AKAP13: variants seen among roughly 807,000 people sequenced by gnomAD.
AKAP13 encodes A-kinase anchor protein 13.
Under a neutral mutation model 264.5 loss-of-function variants are expected in AKAP13, and 80 were observed. The ratio of observed to expected loss-of-function variants is 0.30; its 90% confidence interval spans 0.25 to 0.36. AKAP13 has a LOEUF of 0.36. AKAP13 is among the 10% of genes least tolerant of loss of function. AKAP13 has a pLI of 1.00. For synonymous variants in AKAP13, 1,380 were observed against 1,250.2 expected (o/e 1.10, Z -2.19); for missense variants, 3,712 against 3,435.2 (o/e 1.08, Z -2.01).
intron 8 of AKAP13, chr15:85,620,109 G>A (rs1397392368): frequency 6.5e-7 from 1 of 1,535,980 alleles, no homozygotes; most frequent in Non-Finnish European, 8.7e-7. Flanking sequence ...AACGGCACAA[G>A]AGGCGCTACA....
intron 6 of AKAP13, chr15:85,578,013 G>T (rs1023641561): frequency 5.4e-6 from 1 of 183,718 alleles, no homozygotes. Context: ...GGGACACAGT[G>T]GTGTAGGCCC....
At chr15:85,722,979 A>G (rs2151731228) in intron 25 of AKAP13, 93 bp from the exon 26 acceptor site, 1 of 1,497,250 alleles carries the variant, frequency 6.7e-7, no homozygotes, top group Non-Finnish European at 9.0e-7. Flanking sequence ...TCACAAAGGG[A>G]AAAGATGATA....
chr15:85,684,991 T>G (rs2084812310), intron 16 of AKAP13, 118 bp downstream of exon 16: 7 of 1,253,808 alleles, frequency 5.6e-6, no homozygotes, highest in South Asian at 1.8e-5. Flanking sequence ...TCAGGATTAC[T>G]CTCCGAAATC....
chr15:85,416,211 C>A (rs1157046690), intron 1 of AKAP13, among the ~76,000 whole-genome samples: 2 of 151,888 alleles, frequency 1.3e-5, no homozygotes, highest in Non-Finnish European at 2.9e-5. Context: ...TAGTTAAATA[C>A]CTCTATTCAT....
At chr15:85,592,236 A>G (rs1462582067) in intron 8 of AKAP13, among the ~76,000 whole-genome samples, 1 of 151,816 alleles carries the variant, frequency 6.6e-6, no homozygotes, top group African/African-American at 2.4e-5. Context: ...TTAATGGAAC[A>G]CTCTGTTTTC....
At chr15:85,388,941 A>G (rs79597013) in intron 1 of AKAP13, among the ~76,000 whole-genome samples, 6 of 152,310 alleles carry the variant, frequency 3.9e-5, no homozygotes, top group East Asian at 1.9e-4. Context: ...TTAAGTTGCC[A>G]AACTTATGTG....
chr15:85,557,864 G>A (rs1272446891), intron 5 of AKAP13, among the ~76,000 whole-genome samples: 3 of 152,178 alleles, frequency 2.0e-5, no homozygotes, highest in African/African-American at 7.2e-5. Flanking sequence ...AAGACTGGGT[G>A]GGACTGAACT....
At chr15:85,641,307 G>A (rs2082297538) in intron 9 of AKAP13, among the ~76,000 whole-genome samples, 1 of 151,196 alleles carries the variant, frequency 6.6e-6, no homozygotes, top group African/African-American at 2.4e-5. Flanking sequence ...TTAGCCGGGT[G>A]TGGTGGCACG....
intron 24 of AKAP13, 26 bp downstream of exon 24, chr15:85,722,142 C>G: frequency 2.5e-6 from 4 of 1,613,012 alleles, no homozygotes; most frequent in Non-Finnish European, 3.4e-6. Context: ...ATGAAAATCC[C>G]CGTTATTGTT....
intron 1 of AKAP13, among the ~76,000 whole-genome samples, chr15:85,442,338 A>T (rs2073690073): frequency 6.8e-6 from 1 of 146,126 alleles, no homozygotes; most frequent in Non-Finnish European, 1.5e-5. Context: ...TGAACCCAGG[A>T]GGCGGAGGTT....
chr15:85,449,351 T>C (rs1567062969), intron 1 of AKAP13, among the ~76,000 whole-genome samples: 3 of 152,312 alleles, frequency 2.0e-5, no homozygotes, highest in East Asian at 3.9e-4. Context: ...GTTTTGTAGA[T>C]ACAGAATCAT....
intron 2 of AKAP13, among the ~76,000 whole-genome samples, chr15:85,507,437 A>G (rs1469076536): frequency 6.6e-6 from 1 of 151,794 alleles, no homozygotes; most frequent in African/African-American, 2.4e-5. Context: ...CATATTTCCC[A>G]CAAAGCCGAA....
intron 2 of AKAP13, among the ~76,000 whole-genome samples, chr15:85,493,062 A>G (rs148380638): frequency 3.4e-3 from 519 of 152,338 alleles, no homozygotes; most frequent in Non-Finnish European, 5.3e-3. Context: ...TGTTCTGCGC[A>G]AGGTGTACCC....
intron 5 of AKAP13, among the ~76,000 whole-genome samples, chr15:85,559,582 CA>C (rs1369792905): frequency 6.6e-6 from 1 of 152,086 alleles, no homozygotes; most frequent in Non-Finnish European, 1.5e-5. Flanking sequence ...ACAGTCCCAT[CA>C]GGGGGTGATG....
At chr15:85,615,386 C>T (rs1165256492) in intron 8 of AKAP13, among the ~76,000 whole-genome samples, 5 of 152,114 alleles carry the variant, frequency 3.3e-5, no homozygotes. Flanking sequence ...GAACAGTAGA[C>T]CTGCTTCTCC....
At chr15:85,506,568 C>T (rs987697011) in intron 2 of AKAP13, among the ~76,000 whole-genome samples, 4 of 151,696 alleles carry the variant, frequency 2.6e-5, no homozygotes, top group African/African-American at 4.8e-5. Flanking sequence ...TGAATAAATA[C>T]GTGTCAGAAA....
chr15:85,541,959 T>C (rs1207352892), intron 4 of AKAP13, among the ~76,000 whole-genome samples: 1 of 152,214 alleles, frequency 6.6e-6, no homozygotes, highest in Non-Finnish European at 1.5e-5. Flanking sequence ...AATGCTGAGC[T>C]GACTCAGAAC....
At chr15:85,398,105 T>G (rs962603087) in intron 1 of AKAP13, among the ~76,000 whole-genome samples, 1 of 152,324 alleles carries the variant, frequency 6.6e-6, no homozygotes, top group Non-Finnish European at 1.5e-5. Flanking sequence ...ACTTATACTC[T>G]GCTCAGCATT....
At chr15:85,617,532 G>A (rs1398263972) in intron 8 of AKAP13, among the ~76,000 whole-genome samples, 8 of 152,272 alleles carry the variant, frequency 5.3e-5, no homozygotes, top group Admixed American at 2.0e-4. Context: ...GAGCCACCGC[G>A]CCCAGCCGGT....
Sources: gnomAD v4.1 joint callset for allele counts (sites outside exome capture counted in the v4.1 genomes callset) on GRCh38, gnomAD v4.1.1 for gene constraint, MANE v1.5 for transcripts, NCBI Gene and HGNC (gene_info 2026-07-23, HGNC 2026-07-21) for gene names.